SEMA6B: variants seen among roughly 807,000 people sequenced by gnomAD.
The protein encoded by SEMA6B is semaphorin 6B.
A neutral mutation model predicts 78.6 loss-of-function variants in SEMA6B; 47 were observed. The observed-to-expected ratio is 0.60, with a 90% CI of 0.47 to 0.76. SEMA6B has a LOEUF of 0.76. Ranked by LOEUF, SEMA6B falls within the 30% of genes least tolerant of loss-of-function variation. The pLI is 0.00. For synonymous variants in SEMA6B, 632 were observed against 592.2 expected (o/e 1.07, Z -0.98); for missense variants, 1,213 against 1,269.9 (o/e 0.96, Z 0.68).
Position 4,555,886 on chromosome 19 carries a change from TGGA to T in SEMA6B, c.471+99_471+101del. ...GGAGAGTATATCCAGGAAGGCTTCC[TGGA>T]GGAGGTGACACGGCCTGGGGAAAAG... On this transcript the variant is annotated intron_variant, in intron 6 of 16. Coordinates refer to ENST00000586582, the MANE Select transcript of SEMA6B (RefSeq NM_032108.4). This position sits in a 1 kb window ranked among gnomAD's most constrained non-coding sequence, Gnocchi z 6.1. 1.1e-6 allele frequency: 1 copy of T among 932,348 alleles called. No homozygotes were observed. Among genetic ancestry groups the T allele is most frequent in the Non-Finnish European group, 1.8e-6 (1 of 567,042 alleles). The allele number at this position is 932,348 out of a possible 1,614,324, so 57.8% of individuals were successfully genotyped here.
Position 4,555,406 on chromosome 19 carries a change from T to C in SEMA6B, c.562+68A>G. 2 of 1,385,128 alleles carry C rather than the reference T, an allele frequency of 1.4e-6. No homozygotes were observed. The highest frequency in any genetic ancestry group is 2.0e-6 in the Non-Finnish European group (2 of 996,268). The allele number at this position is 1,385,128 out of a possible 1,614,324, so 85.8% of individuals were successfully genotyped here. A position where few individuals can be genotyped will look rare whatever the true frequency, so the allele number is the denominator to read the frequency against. On this transcript the variant is annotated intron_variant, in intron 7 of 16. Coordinates refer to ENST00000586582, the MANE Select transcript of SEMA6B (RefSeq NM_032108.4). The surrounding 1 kb of genome is among the most constrained non-coding windows in gnomAD (Gnocchi z 6.1). ...GCTGCCTTCTAAACAACCCAGACGC[T>C]GGAGTAGAAAATGCCAGGTCTTGCC... is the stretch of plus-strand genomic sequence containing the variant.
chr19:4,554,252 G>A lies in SEMA6B; in HGVS notation c.771+136C>T, dbSNP rs941125511. ...TCAGCCTCAGGGCCTGATCATGGCT[G>A]GAAAGGAGGCCCTGGGGACCAGAAA... On this transcript the variant is annotated intron_variant, in intron 9 of 16. Transcript: ENST00000586582. 5 of 696,558 alleles carry A rather than the reference G, an allele frequency of 7.2e-6. No homozygotes were observed. The African/African-American group carries it at 8.9e-5, about 12-fold the overall frequency. The allele number at this position is 696,558 out of a possible 1,614,324, so 43.1% of individuals were successfully genotyped here.
Position 4,544,376 on chromosome 19 carries a change from G to C in SEMA6B, c.1892C>G (p.Ala631Gly). 1 of 1,588,312 alleles carries C rather than the reference G, an allele frequency of 6.3e-7. No homozygotes were observed. The highest frequency in any genetic ancestry group is 8.5e-7 in the Non-Finnish European group (1 of 1,170,150). ...FVGLRERREL[A>G]RRKDKEAILA... ...GATGGCCTCCTTGTCCTTGCGCCGG[G>C]CCAGCTCCCGCCGCTCACGGAGGCC... Residue 631 changes from alanine (A) to glycine (G), a missense_variant, in exon 17 of 17, where the codon GCC becomes GGC. Transcript: ENST00000586582. The surrounding 1 kb of genome is among the most constrained non-coding windows in gnomAD (Gnocchi z 5.1).
In SEMA6B at chr19:4,555,637, C is replaced by CTGGAGTGGGGGGCTG; in HGVS notation, c.472-74_472-73insCAGCCCCCCACTCCA. The CTGGAGTGGGGGGCTG allele has an allele frequency of 1.6e-6, 2 of 1,233,626 alleles. No individual in the cohort carries two copies. The highest frequency in any genetic ancestry group is 1.5e-5 in the African/African-American group (1 of 67,128). 76.4% of individuals were successfully genotyped at this position (1,233,626 alleles called of 1,614,324 possible). A position where few individuals can be genotyped will look rare whatever the true frequency, so the allele number is the denominator to read the frequency against. ...GCAGCCCCTGGCTCCCTCAGCCCCCCACTCCAGGGGGAATCCTGATCCACC... is the reference window on the plus strand; with the variant it reads ...GCAGCCCCTGGCTCCCTCAGCCCCCCTGGAGTGGGGGGCTGACTCCAGGGGGAATCCTGATCCACC... On this transcript the variant is annotated intron_variant, in intron 6 of 16. Coordinates refer to ENST00000586582, the MANE Select transcript of SEMA6B (RefSeq NM_032108.4). This position sits in a 1 kb window ranked among gnomAD's most constrained non-coding sequence, Gnocchi z 6.1.
Position 4,543,093 on chromosome 19 carries a change from C to A in SEMA6B, c.*508G>T. 1 of 634,936 alleles carries A rather than the reference C, an allele frequency of 1.6e-6. No individual in the cohort carries two copies. Among genetic ancestry groups the A allele is most frequent in the East Asian group, 2.7e-5 (1 of 36,658 alleles). 39.3% of individuals were successfully genotyped at this position (634,936 alleles called of 1,614,324 possible). A position where few individuals can be genotyped will look rare whatever the true frequency, so the allele number is the denominator to read the frequency against. On this transcript the variant is annotated 3_prime_UTR_variant, in exon 17 of 17. Coordinates refer to ENST00000586582, the MANE Select transcript of SEMA6B (RefSeq NM_032108.4). ...CCTTCGCTGGCACGCACACACACGC[C>A]CACCTCCCCGGCCCCTTGCACACGA...
Position 4,551,470 on chromosome 19 carries a change from T to C in SEMA6B, c.990-540A>G, listed in dbSNP as rs1977330379. 1.3e-5 allele frequency among the ~76,000 whole-genome samples: 2 copies of C among 151,584 alleles called. 1 individual carries two copies. Among genetic ancestry groups the C allele is most frequent in the South Asian group, 4.2e-4 (2 of 4,786 alleles). On this transcript the variant is annotated intron_variant, in intron 10 of 16. Coordinates refer to ENST00000586582, the MANE Select transcript of SEMA6B (RefSeq NM_032108.4). ...CCTGACCTCAAGTGATCTGCCCTCCTCAGCCTCCCAAAGTGCTGGGATTAC... is the reference window on the plus strand; with the variant it reads ...CCTGACCTCAAGTGATCTGCCCTCCCCAGCCTCCCAAAGTGCTGGGATTAC...
rs1977419116 is a variant in SEMA6B, at chr19:4,554,533, G to T, written c.683-57C>A. 6 of 1,352,414 alleles carry T rather than the reference G, an allele frequency of 4.4e-6. No homozygotes were observed. The African/African-American group carries it at 7.2e-5, about 16-fold the overall frequency. The allele number at this position is 1,352,414 out of a possible 1,614,324, so 83.8% of individuals were successfully genotyped here. ...CTGACATGACAAAGGGGGTTTCTGG[G>T]GCTAAGAACTCACTGGCTTTTATGG... On this transcript the variant is annotated intron_variant, in intron 8 of 16. Coordinates refer to ENST00000586582, the MANE Select transcript of SEMA6B (RefSeq NM_032108.4).
At chr19:4,557,369 C>T (rs1977501546) in intron 3 of SEMA6B, 146 bp from the exon 4 acceptor site, 1 of 621,482 alleles carries the variant, frequency 1.6e-6, no homozygotes, top group African/African-American at 1.9e-5. Context: ...GCCGACCACA[C>T]CCCCCCAAGG....
In SEMA6B at chr19:4,557,122, CT is replaced by C. The variant is rs764075496; in HGVS notation, c.306+40del. ...CTCCCCGGCGCAGTGCCGCGTCCCC[CT>C]GGCCCTACCCCTCCACTCCCACCTG... is the stretch of plus-strand genomic sequence containing the variant. On this transcript the variant is annotated intron_variant, in intron 4 of 16. Transcript: ENST00000586582. 7 of 1,595,726 alleles carry C rather than the reference CT, an allele frequency of 4.4e-6. No homozygotes were observed. In the East Asian group the frequency reaches 8.9e-5, roughly 20 times the overall value.
At position 4,543,599 on chromosome 19, in the gene SEMA6B, G is replaced by A. The variant is rs1977077631; in HGVS notation, c.*2C>T. On this transcript the variant is annotated 3_prime_UTR_variant, in exon 17 of 17. Coordinates refer to ENST00000586582, the MANE Select transcript of SEMA6B (RefSeq NM_032108.4). The stretch of plus-strand genomic sequence containing the variant: ...CTGCCAAGGCATCGGGGGGCCCCCG[G>A]CCTAGGGCACGGGGGGCGCAGTCCT... The A allele has an allele frequency of 8.1e-7, 1 of 1,228,188 alleles. No individual in the cohort carries two copies. The highest frequency in any genetic ancestry group is 1.0e-6 in the Non-Finnish European group (1 of 981,670). 76.1% of individuals were successfully genotyped at this position (1,228,188 alleles called of 1,614,324 possible). A position where few individuals can be genotyped will look rare whatever the true frequency, so the allele number is the denominator to read the frequency against.
At chr19:4,546,537 G>C in intron 14 of SEMA6B, 68 bp from the exon 15 acceptor site, 1 of 1,101,068 alleles carries the variant, frequency 9.1e-7, no homozygotes, top group Non-Finnish European at 1.3e-6. Flanking sequence ...TGGTGATGGT[G>C]ACCTGTGGGC....
In SEMA6B at chr19:4,557,033, G is replaced by C. The variant is rs1321685739; in HGVS notation, c.307-20C>G. The C allele has an allele frequency of 6.2e-7, 1 of 1,611,338 alleles. No individual in the cohort carries two copies. Among genetic ancestry groups the C allele is most frequent in the East Asian group, 2.2e-5 (1 of 44,770 alleles). ...CAGCTTCTGCAGACAGAGAGAGCTG[G>C]TGAGGGGGTAACGGGTCCCAGCAGC... On this transcript the variant is annotated intron_variant, in intron 4 of 16. Transcript: ENST00000586582.
Position 4,558,023 on chromosome 19 carries a change from T to C in SEMA6B, c.245+3A>G, listed in dbSNP as rs1392675267. 1 of 1,437,930 alleles carries C rather than the reference T, an allele frequency of 7.0e-7. No individual in the cohort carries two copies. The allele number at this position is 1,437,930 out of a possible 1,614,324, so 89.1% of individuals were successfully genotyped here. On this transcript the variant is annotated splice_donor_region_variant and intron_variant, in intron 3 of 16. Transcript: ENST00000586582. This position sits in a 1 kb window ranked among gnomAD's most constrained non-coding sequence, Gnocchi z 5.1. Reference sequence around the variant, plus strand: ...CAGGCCTCCTTGCTGTCCCCAGCAATACCTGTCCCCAATGAACAGCGTCCT... The same window carrying C: ...CAGGCCTCCTTGCTGTCCCCAGCAACACCTGTCCCCAATGAACAGCGTCCT...
At position 4,554,987 on chromosome 19, in the gene SEMA6B, T is replaced by G. The variant is rs544715348; in HGVS notation, c.671A>C (p.Lys224Thr). Reference sequence around the variant, plus strand: ...CTTCCTGGTCTCACCTTTGAACCACTTGGAGTCATGTTTCACGGTGCGCAG... The same window carrying G: ...CTTCCTGGTCTCACCTTTGAACCACGTGGAGTCATGTTTCACGGTGCGCAG... The part of the protein sequence containing the change: ...PTLRTVKHDS[K>T]WFKEPYFVHA... Residue 224 changes from lysine (K) to threonine (T), a missense_variant, in exon 8 of 17, where the codon AAG becomes ACG. Coordinates refer to ENST00000586582, the MANE Select transcript of SEMA6B (RefSeq NM_032108.4). 1 of 1,614,018 alleles carries G rather than the reference T, an allele frequency of 6.2e-7. No individual in the cohort carries two copies. Among genetic ancestry groups the G allele is most frequent in the South Asian group, 1.1e-5 (1 of 91,080 alleles).
intron 4 of SEMA6B, 35 bp from the exon 5 acceptor site, chr19:4,557,048 G>C (rs751543118): frequency 1.2e-6 from 2 of 1,605,728 alleles, no homozygotes; most frequent in Non-Finnish European, 1.7e-6. Flanking sequence ...GGGGTAACGG[G>C]TCCCAGCAGC....
At chr19:4,549,128 G>A (rs765121892) in intron 12 of SEMA6B, among the ~76,000 whole-genome samples, 10 of 151,378 alleles carry the variant, frequency 6.6e-5, no homozygotes, top group African/African-American at 2.4e-4. Context: ...GCCCAGCCCC[G>A]CTTTCTCCTG....
chr19:4,544,248 C>A lies in SEMA6B; in HGVS notation c.2020G>T (p.Gly674Trp). The A allele has an allele frequency of 7.8e-7, 1 of 1,278,998 alleles. No individual in the cohort carries two copies. Among genetic ancestry groups the A allele is most frequent in the Non-Finnish European group, 9.8e-7 (1 of 1,016,510 alleles). The allele number at this position is 1,278,998 out of a possible 1,614,324, so 79.2% of individuals were successfully genotyped here. Residue 674 changes from glycine to tryptophan, a missense_variant, in exon 17 of 17, where the codon GGG becomes TGG. By Grantham distance (184) the Gly-to-Trp change is radical (BLOSUM62 -2). Transcript: ENST00000586582. This position sits in a 1 kb window ranked among gnomAD's most constrained non-coding sequence, Gnocchi z 5.1. ...GCCAGCAGGGCCTCCGGGGGAACCC[C>A]GGCGCCACCGCCACCGCCTCCGCCC... ...GRGGGGGGGA[G>W]VPPEALLAPL...
rs144050811 is a variant in SEMA6B, at chr19:4,555,511, C to T, written c.525G>A (p.Pro175=). 9.4e-5 allele frequency: 152 copies of T among 1,613,182 alleles called. No homozygotes were observed. The highest frequency in any genetic ancestry group is 2.1e-4 in the South Asian group (19 of 90,994). The part of the protein sequence containing the change: ...GDNISGMARC[P]YDPKHANVAL... ...CAACATTGGCGTGCTTGGGGTCGTA[C>T]GGGCAGCGGGCCATACCGCTGATGT... Residue 175 remains proline, a synonymous_variant, in exon 7 of 17, where the codon CCG becomes CCA. Coordinates refer to ENST00000586582, the MANE Select transcript of SEMA6B (RefSeq NM_032108.4). The surrounding 1 kb of genome is among the most constrained non-coding windows in gnomAD (Gnocchi z 6.1).
In SEMA6B at chr19:4,542,800, C is replaced by T. The variant is rs746497059; in HGVS notation, c.*801G>A. On this transcript the variant is annotated 3_prime_UTR_variant, in exon 17 of 17. Transcript: ENST00000586582. ...CCACCCACCTTCGCCGCCCCCCAGG[C>T]CCCCAAGCCCTTTAGACAGCTGCTG... is the stretch of plus-strand genomic sequence containing the variant. 48 of 701,200 alleles carry T rather than the reference C, an allele frequency of 6.8e-5. 1 individual carries two copies. The South Asian group carries it at 6.9e-4, about 10-fold the overall frequency. 43.4% of individuals were successfully genotyped at this position (701,200 alleles called of 1,614,324 possible). A position where few individuals can be genotyped will look rare whatever the true frequency, so the allele number is the denominator to read the frequency against.
Sources: allele counts gnomAD v4.1 joint callset (sites outside exome capture counted in the v4.1 genomes callset), GRCh38; gene constraint gnomAD v4.1.1; non-coding constraint Gnocchi (gnomAD v3.1); transcripts MANE v1.5; gene names NCBI Gene and HGNC (gene_info 2026-07-23, HGNC 2026-07-21).